Variants in USP13 observed in about 807,000 individuals in gnomAD.
USP13 encodes ubiquitin specific peptidase 13, also known as ubiquitin carboxyl-terminal hydrolase 13.
Under a neutral mutation model 107.8 loss-of-function variants are expected in USP13, and 68 were observed. That is an observed-to-expected ratio of 0.63 (90% CI 0.52 to 0.77). The LOEUF (loss-of-function observed/expected upper bound fraction) is 0.77, where lower values mean the gene tolerates loss of function less well. Among genes scored for constraint, USP13 ranks in the 30% least tolerant of loss-of-function variants. The pLI, the probability that USP13 is intolerant of heterozygous loss-of-function variation, is 0.00. For synonymous variants in USP13, 377 were observed against 389.5 expected (o/e 0.97, Z 0.38); for missense variants, 945 against 1,093.3 (o/e 0.86, Z 1.91).
At position 179,784,273 on chromosome 3, in the gene USP13, C is replaced by G; in HGVS notation, c.*132C>G. The G allele has an allele frequency of 1.5e-6, 1 of 676,952 alleles. No homozygotes were observed. 41.9% of individuals were successfully genotyped at this position (676,952 alleles called of 1,614,324 possible). ...GGGTATTTATCGTTTATTTAAAGAG[C>G]ACGATCAGTTGACACCTTCTGAAAT... On this transcript the variant is annotated 3_prime_UTR_variant, in exon 21 of 21. Transcript: ENST00000263966.
intron 1 of USP13, among the ~76,000 whole-genome samples, chr3:179,661,023 A>G (rs373865060): frequency 9.6e-4 from 147 of 152,350 alleles, no homozygotes; most frequent in African/African-American, 3.2e-3. Context: ...GAAAAATTTA[A>G]AACAATTTGA....
chr3:179,763,898 A>T (rs1715085696), intron 17 of USP13, 104 bp from the exon 18 acceptor site: 1 of 1,403,772 alleles, frequency 7.1e-7, no homozygotes, highest in African/African-American at 1.5e-5. Flanking sequence ...GACTGTCTTG[A>T]TTATTATAAC....
At chr3:179,731,607 A>G (rs1713806063) in intron 10 of USP13, among the ~76,000 whole-genome samples, 1 of 152,166 alleles carries the variant, frequency 6.6e-6, no homozygotes, top group East Asian at 1.9e-4. Flanking sequence ...TGATGTTTTA[A>G]TGGCCAGACC....
chr3:179,702,763 G>A lies in USP13; in HGVS notation c.477+1634G>A, dbSNP rs138349119. On this transcript the variant is annotated intron_variant, in intron 4 of 20. Coordinates refer to ENST00000263966, the MANE Select transcript of USP13 (RefSeq NM_003940.3). Reference sequence around the variant, plus strand: ...CTCCAATTCCATGTTGACTCATGTGGCTGTTACCAAGGATAAAATATATTA... The same window carrying A: ...CTCCAATTCCATGTTGACTCATGTGACTGTTACCAAGGATAAAATATATTA... Among the ~76,000 whole-genome samples, 820 of 152,280 alleles carry A rather than the reference G, an allele frequency of 5.4e-3. 9 individuals carry two copies. The highest frequency in any genetic ancestry group is 0.019 in the African/African-American group (774 of 41,534).
chr3:179,755,788 A>G (rs752195003), intron 15 of USP13, among the ~76,000 whole-genome samples: 11 of 152,226 alleles, frequency 7.2e-5, no homozygotes, highest in African/African-American at 2.4e-5. Context: ...TCATAACGAC[A>G]GAGCACTCTG....
At chr3:179,730,432 C>A (rs997021294) in intron 9 of USP13, among the ~76,000 whole-genome samples, 172 bp downstream of exon 9, 2 of 152,084 alleles carry the variant, frequency 1.3e-5, no homozygotes, top group African/African-American at 4.8e-5. Flanking sequence ...CTACAAAGGA[C>A]TGAAGAAAAT....
At chr3:179,698,240 A>G (rs533148733) in intron 3 of USP13, among the ~76,000 whole-genome samples, 1 of 152,302 alleles carries the variant, frequency 6.6e-6, no homozygotes, top group Non-Finnish European at 1.5e-5. Flanking sequence ...CTTGCAGCCA[A>G]AGGGAAGGGA....
rs777287683 is a variant in USP13, at chr3:179,781,720, G to A, written c.2414-19G>A. ...TCTGGAAATGCTGCCTTGTAACTGA[G>A]TTGTTTCCTCTTTCACAGCATATGA... On this transcript the variant is annotated intron_variant, in intron 19 of 20. Coordinates refer to ENST00000263966, the MANE Select transcript of USP13 (RefSeq NM_003940.3). 65 of 1,610,950 alleles carry A rather than the reference G, an allele frequency of 4.0e-5. No homozygotes were observed. Among genetic ancestry groups the A allele is most frequent in the Non-Finnish European group, 4.0e-5 (47 of 1,177,572 alleles).
At chr3:179,732,510 T>C (rs1213432898) in intron 10 of USP13, among the ~76,000 whole-genome samples, 1 of 152,076 alleles carries the variant, frequency 6.6e-6, no homozygotes, top group Non-Finnish European at 1.5e-5. Context: ...TATGGGCAAG[T>C]CATGCCACCT....
At chr3:179,744,983 G>A in intron 12 of USP13, 60 bp from the exon 13 acceptor site, 1 of 1,596,472 alleles carries the variant, frequency 6.3e-7, no homozygotes, top group Non-Finnish European at 8.6e-7. Flanking sequence ...CAAAGAGGGT[G>A]CTTTTCATTT....
intron 2 of USP13, among the ~76,000 whole-genome samples, chr3:179,686,558 A>G (rs567247431): frequency 7.7e-4 from 117 of 152,338 alleles, no homozygotes; most frequent in Non-Finnish European, 1.3e-3. Context: ...ACACCTGAGC[A>G]ACAGAGTGAG....
At chr3:179,743,187 G>A (rs1195984702) in intron 12 of USP13, among the ~76,000 whole-genome samples, 1 of 152,044 alleles carries the variant, frequency 6.6e-6, no homozygotes, top group Non-Finnish European at 1.5e-5. Flanking sequence ...TCACTCATAA[G>A]TGCGAGTTGA....
intron 1 of USP13, among the ~76,000 whole-genome samples, chr3:179,666,948 AC>A (rs1455601170): frequency 2.0e-5 from 3 of 152,136 alleles, no homozygotes; most frequent in Non-Finnish European, 4.4e-5. Context: ...CTTTAATGTC[AC>A]TGAATTCCTG....
chr3:179,714,556 A>C (rs770973476), intron 6 of USP13, among the ~76,000 whole-genome samples: 1 of 152,190 alleles, frequency 6.6e-6, no homozygotes, highest in Non-Finnish European at 1.5e-5. Flanking sequence ...TCTAGCATCT[A>C]GTAGTGTGCC....
At chr3:179,732,333 C>A (rs1184903485) in intron 10 of USP13, among the ~76,000 whole-genome samples, 1 of 152,152 alleles carries the variant, frequency 6.6e-6, no homozygotes, top group East Asian at 1.9e-4. Context: ...AACCTCAGTC[C>A]AAAATTGTGT....
chr3:179,722,525 T>G (rs1713362789), intron 8 of USP13, among the ~76,000 whole-genome samples: 1 of 152,192 alleles, frequency 6.6e-6, no homozygotes, highest in African/African-American at 2.4e-5. Flanking sequence ...ATAACAGGTG[T>G]ATATATTTAT....
chr3:179,654,311 C>G (rs937054080), intron 1 of USP13, among the ~76,000 whole-genome samples: 4 of 151,844 alleles, frequency 2.6e-5, no homozygotes, highest in Non-Finnish European at 5.9e-5. Context: ...TTTTCTTAAG[C>G]CTTCCCCACC....
At chr3:179,780,779 G>A (rs1715718084) in intron 19 of USP13, among the ~76,000 whole-genome samples, 1 of 152,196 alleles carries the variant, frequency 6.6e-6, no homozygotes, top group Admixed American at 6.5e-5. Flanking sequence ...AAGAATGAGA[G>A]ACAGAGGGGT....
At chr3:179,656,101 G>C (rs1407147133) in intron 1 of USP13, among the ~76,000 whole-genome samples, 1 of 152,194 alleles carries the variant, frequency 6.6e-6, no homozygotes, top group African/African-American at 2.4e-5. Flanking sequence ...TATGTACAAA[G>C]ATGGCTAGAA....
Sources: allele counts gnomAD v4.1 joint callset (sites outside exome capture counted in the v4.1 genomes callset), GRCh38; gene constraint gnomAD v4.1.1; transcripts MANE v1.5; gene names NCBI Gene and HGNC (gene_info 2026-07-23, HGNC 2026-07-21).